The following STK32C variants were observed in gnomAD, a reference collection of about 807,000 sequenced individuals.
STK32C encodes serine/threonine-protein kinase 32C.
A neutral mutation model predicts 56.5 loss-of-function variants in STK32C; 31 were observed. The ratio of observed to expected loss-of-function variants is 0.55; its 90% CI spans 0.41 to 0.74. The LOEUF (loss-of-function observed/expected upper bound fraction) is 0.74, where lower values mean the gene tolerates loss of function less well. Among genes scored for constraint, STK32C ranks in the 30% least tolerant of loss-of-function variants. The pLI is 0.00. For synonymous variants in STK32C, 309 were observed against 289.4 expected (o/e 1.07, Z -0.69); for missense variants, 544 against 676.9 (o/e 0.80, Z 2.18).
upstream of STK32C, among the ~76,000 whole-genome samples, chr10:132,308,408 G>C (rs2066151576): frequency 1.3e-5 from 2 of 152,172 alleles, no homozygotes; most frequent in African/African-American, 4.8e-5. Flanking sequence ...GCCGGCGCGC[G>C]GGCTTCCGCC....
At chr10:132,293,842 G>A (rs925043661) in intron 1 of STK32C, among the ~76,000 whole-genome samples, 1 of 152,208 alleles carries the variant, frequency 6.6e-6, no homozygotes, top group Admixed American at 6.5e-5. Flanking sequence ...ACCAGAGCTG[G>A]GGCAGAGCCT....
chr10:132,287,012 C>A (rs2065424102), intron 1 of STK32C, among the ~76,000 whole-genome samples: 1 of 152,144 alleles, frequency 6.6e-6, no homozygotes, highest in South Asian at 2.1e-4. Flanking sequence ...TGAGTTTAAG[C>A]AAGGCTGGAG....
At chr10:132,315,243 C>G (rs988974127) in intron 1 of STK32C, among the ~76,000 whole-genome samples, 1 of 152,006 alleles carries the variant, frequency 6.6e-6, no homozygotes, top group Non-Finnish European at 1.5e-5. Flanking sequence ...CACATGTTCT[C>G]ATTCATAAGT....
At chr10:132,242,511 C>T (rs982915212) in intron 2 of STK32C, among the ~76,000 whole-genome samples, 1 of 152,008 alleles carries the variant, frequency 6.6e-6, no homozygotes, top group African/African-American at 2.4e-5. Flanking sequence ...CCCTGCAGTT[C>T]CAGCGGCCCA....
At chr10:132,331,833 G>A (rs770327478), upstream of STK32C, 10 of 1,515,004 alleles carry the variant, frequency 6.6e-6, no homozygotes, top group African/African-American at 5.6e-5. Flanking sequence ...CAAGGCCGCG[G>A]GCGCGGAAAA....
intron 1 of STK32C, among the ~76,000 whole-genome samples, chr10:132,266,468 A>G (rs976130330): frequency 6.6e-6 from 1 of 152,188 alleles, no homozygotes; most frequent in Non-Finnish European, 1.5e-5. Context: ...GACTGTAATT[A>G]TACCTCAATA....
chr10:132,305,575 G>A (rs1448655384), intron 1 of STK32C, among the ~76,000 whole-genome samples: 1 of 152,204 alleles, frequency 6.6e-6, no homozygotes, highest in Non-Finnish European at 1.5e-5. Context: ...CCAGGCAAAT[G>A]ACTGCACCAA....
intron 3 of STK32C, 102 bp from the exon 4 acceptor site, chr10:132,227,070 C>T: frequency 7.5e-7 from 1 of 1,327,690 alleles, no homozygotes; most frequent in Non-Finnish European, 1.0e-6. Flanking sequence ...AGCCCCACCC[C>T]AGCATCAGCC....
At chr10:132,331,659 C>T in exon 1 of STK32C, 1 of 1,612,886 alleles carries the variant, frequency 6.2e-7, no homozygotes, top group South Asian at 1.1e-5. Context: ...GCCTCAGCAG[C>T]AATTCTTTTC....
chr10:132,227,039 C>T lies in STK32C; in HGVS notation c.471-71G>A, dbSNP rs558354816. 265 of 1,548,122 alleles carry T rather than the reference C, an allele frequency of 1.7e-4. 2 individuals carry two copies. The East Asian group carries it at 2.6e-3, about 15-fold the overall frequency. ...CAGTCATGGCTGCTCCCACAGCTGA[C>T]ACACTCCCCCTAAGGACCACAGCCC... On this transcript the variant is annotated intron_variant, in intron 3 of 11. Coordinates refer to ENST00000298630, the MANE Select transcript of STK32C (RefSeq NM_173575.4).
chr10:132,223,680 C>A (rs1254573210), intron 8 of STK32C, among the ~76,000 whole-genome samples: 2 of 152,196 alleles, frequency 1.3e-5, no homozygotes, highest in African/African-American at 2.4e-5. Context: ...AGGATTTAGG[C>A]TGCTTGGCTA....
In STK32C at chr10:132,226,119, G is replaced by C. The variant is rs1477500301; in HGVS notation, c.645-335C>G. Among the ~76,000 whole-genome samples the C allele has an allele frequency of 3.3e-5, 5 of 152,230 alleles. No homozygotes were observed. The East Asian group carries it at 5.8e-4, about 18-fold the overall frequency. On this transcript the variant is annotated intron_variant, in intron 4 of 11. Coordinates refer to ENST00000298630, the MANE Select transcript of STK32C (RefSeq NM_173575.4). ...CAAGACTCGGCCTCTAGGAGACCAA[G>C]CCACCTCGGCTCTTGCTTTGTCCCA...
At chr10:132,262,830 A>T (rs569853110) in intron 1 of STK32C, among the ~76,000 whole-genome samples, 63 of 152,164 alleles carry the variant, frequency 4.1e-4, no homozygotes, top group Non-Finnish European at 8.4e-4. Context: ...GCCAACAAGC[A>T]TATGAAAAAC....
chr10:132,291,365 T>C (rs764197885), intron 1 of STK32C, among the ~76,000 whole-genome samples: 72 of 152,270 alleles, frequency 4.7e-4, no homozygotes, highest in Non-Finnish European at 8.1e-4. Flanking sequence ...CGATCTGAGA[T>C]GTATGTCATC....
chr10:132,301,819 G>A (rs1232236981), intron 1 of STK32C, among the ~76,000 whole-genome samples: 3 of 152,210 alleles, frequency 2.0e-5, no homozygotes, highest in African/African-American at 7.2e-5. Context: ...CTGATGACTG[G>A]CAACCCCGTG....
At chr10:132,291,340 C>T (rs1026143654) in intron 1 of STK32C, among the ~76,000 whole-genome samples, 10 of 152,198 alleles carry the variant, frequency 6.6e-5, no homozygotes, top group Admixed American at 4.6e-4. Flanking sequence ...GTGACCCTGT[C>T]CCCTTGGATG....
downstream of STK32C, among the ~76,000 whole-genome samples, chr10:132,320,115 C>T (rs1243462806): frequency 3.3e-5 from 5 of 151,398 alleles, no homozygotes; most frequent in East Asian, 7.7e-4. Context: ...TGGCACATTG[C>T]GCGTGTGAAT....
downstream of STK32C, among the ~76,000 whole-genome samples, chr10:132,323,684 G>C (rs890542914): frequency 6.6e-6 from 1 of 152,240 alleles, no homozygotes; most frequent in African/African-American, 2.4e-5. The surrounding 1 kb of genome is among the most constrained non-coding windows in gnomAD (Gnocchi z 4.8). Flanking sequence ...TGGGGTGATG[G>C]ATGGAGCTAA....
chr10:132,229,504 T>C (rs1260544585), intron 2 of STK32C, among the ~76,000 whole-genome samples: 1 of 152,190 alleles, frequency 6.6e-6, no homozygotes, highest in Non-Finnish European at 1.5e-5. Context: ...TCTAAAAAAA[T>C]TAAGTCAGAT....
Sources: gnomAD v4.1 joint callset for allele counts (sites outside exome capture counted in the v4.1 genomes callset) on GRCh38, gnomAD v4.1.1 for gene constraint, Gnocchi (gnomAD v3.1) non-coding constraint, MANE v1.5 for transcripts, NCBI Gene and HGNC (gene_info 2026-07-23, HGNC 2026-07-21) for gene names.